The following ATXN10 variants were observed in gnomAD, a reference collection of about 807,000 sequenced individuals.
ATXN10 encodes the protein ataxin-10.
In ATXN10, 28 loss-of-function variants were observed where a neutral mutation model predicts 52.9. The observed-to-expected ratio is 0.53, with a 90% confidence interval of 0.39 to 0.73. The LOEUF (loss-of-function observed/expected upper bound fraction) is 0.73. Among genes scored for constraint, ATXN10 ranks in the 30% least tolerant of loss-of-function variants. The probability of loss-of-function intolerance (pLI) is 0.00; values close to 1 mark genes in which losing one functional copy is unlikely to be tolerated. For synonymous variants in ATXN10, 226 were observed against 221.5 expected (o/e 1.02, Z -0.18); for missense variants, 565 against 577.0 (o/e 0.98, Z 0.21).
chr22:45,777,994 G>A (rs970049438), intron 9 of ATXN10, among the ~76,000 whole-genome samples: 7 of 152,152 alleles, frequency 4.6e-5, no homozygotes, highest in Non-Finnish European at 4.4e-5. Context: ...GTTTTATTGG[G>A]ACATAGTTGT....
At chr22:45,737,352 T>G (rs1925335900) in intron 7 of ATXN10, among the ~76,000 whole-genome samples, 1 of 152,232 alleles carries the variant, frequency 6.6e-6, no homozygotes, top group South Asian at 2.1e-4. Flanking sequence ...GGAGCAGTGG[T>G]ATCTCACGAT....
intron 9 of ATXN10, among the ~76,000 whole-genome samples, chr22:45,767,831 G>A (rs1380796022): frequency 4.6e-5 from 7 of 152,142 alleles, no homozygotes; most frequent in Admixed American, 4.6e-4. Context: ...GAACAGAAGA[G>A]CCACAGAGAA....
Position 45,718,515 on chromosome 22 carries a change from T to C in ATXN10, c.728+22T>C, listed in dbSNP as rs776022966. On this transcript the variant is annotated intron_variant, in intron 6 of 11. Coordinates refer to ENST00000252934, the MANE Select transcript of ATXN10 (RefSeq NM_013236.4). The surrounding 1 kb of genome is among the most constrained non-coding windows in gnomAD (Gnocchi z 4.4). ...AAAGGTAACCCCCCAACCAGCGTGG[T>C]CTGGAGTATTTAGCATTCCATATAG... 6.2e-7 allele frequency: 1 copy of C among 1,601,638 alleles called. No homozygotes were observed. Among genetic ancestry groups the C allele is most frequent in the Non-Finnish European group, 8.6e-7 (1 of 1,168,798 alleles).
intron 9 of ATXN10, among the ~76,000 whole-genome samples, chr22:45,800,719 A>G (rs1411804255): frequency 6.6e-6 from 1 of 152,274 alleles, no homozygotes; most frequent in Non-Finnish European, 1.5e-5. Flanking sequence ...GTGGATAAAT[A>G]AATGGTAGTA....
chr22:45,730,633 C>T (rs974807078), intron 7 of ATXN10, among the ~76,000 whole-genome samples: 6 of 152,134 alleles, frequency 3.9e-5, no homozygotes, highest in African/African-American at 1.2e-4. Flanking sequence ...GACGGGGTTT[C>T]GGCATATTGG....
chr22:45,797,077 C>G (rs1454595184), intron 9 of ATXN10, among the ~76,000 whole-genome samples: 1 of 152,152 alleles, frequency 6.6e-6, no homozygotes, highest in African/African-American at 2.4e-5. Context: ...TTTCAAATAA[C>G]TGAAACCAAA....
rs1288429184 is a variant in ATXN10 at position 45,683,183 on chromosome 22, G to A, written c.117-6529G>A. Among the ~76,000 whole-genome samples, 1 of 152,194 alleles carries A rather than the reference G, an allele frequency of 6.6e-6. No individual in the cohort carries two copies. The highest frequency in any genetic ancestry group is 6.5e-5 in the Admixed American group (1 of 15,282). On this transcript the variant is annotated intron_variant, in intron 1 of 11. Transcript: ENST00000252934. This position sits in a 1 kb window ranked among gnomAD's most constrained non-coding sequence, Gnocchi z 4.8. Reference sequence around the variant, plus strand: ...AAAATACAAAAATTTGTTGGGCATGGTGGCACATGCCTGAAATTCTACCTA... The same window carrying A: ...AAAATACAAAAATTTGTTGGGCATGATGGCACATGCCTGAAATTCTACCTA...
chr22:45,834,497 G>C (rs1034650563), intron 10 of ATXN10, among the ~76,000 whole-genome samples: 2 of 152,180 alleles, frequency 1.3e-5, no homozygotes, highest in African/African-American at 4.8e-5. Flanking sequence ...TACTTTAGAA[G>C]TTTATTGTCC....
chr22:45,692,764 A>C (rs1272181539), intron 2 of ATXN10, among the ~76,000 whole-genome samples: 1 of 152,204 alleles, frequency 6.6e-6, no homozygotes, highest in East Asian at 1.9e-4. Flanking sequence ...GAGTCATGGG[A>C]AACTTCAGGA....
chr22:45,686,039 A>C (rs1923122221), intron 1 of ATXN10, among the ~76,000 whole-genome samples: 1 of 152,226 alleles, frequency 6.6e-6, no homozygotes, highest in Admixed American at 6.5e-5. Flanking sequence ...CACATCTTAA[A>C]ATCTGACACG....
At chr22:45,751,346 A>C (rs1421961434) in intron 9 of ATXN10, among the ~76,000 whole-genome samples, 2 of 152,194 alleles carry the variant, frequency 1.3e-5, no homozygotes, top group Non-Finnish European at 2.9e-5. Context: ...TTAAAAGTAA[A>C]ACGTTAGCAT....
chr22:45,817,624 C>T (rs1928509082), intron 10 of ATXN10, among the ~76,000 whole-genome samples: 1 of 151,976 alleles, frequency 6.6e-6, no homozygotes, highest in African/African-American at 2.4e-5. Flanking sequence ...CCTGCCCAGC[C>T]TTAATTTTTT....
Position 45,688,153 on chromosome 22 carries a change from G to A in ATXN10, c.117-1559G>A, listed in dbSNP as rs915570744. On this transcript the variant is annotated intron_variant, in intron 1 of 11. Transcript: ENST00000252934. This position sits in a 1 kb window ranked among gnomAD's most constrained non-coding sequence, Gnocchi z 4.0. ...GTACTTGTTTCATACAGTTTATTGA[G>A]GCAAGATTAGTGCTGTACCCTTGAA... is the stretch of plus-strand genomic sequence containing the variant. Among the ~76,000 whole-genome samples the A allele has an allele frequency of 5.9e-5, 9 of 152,170 alleles. No individual in the cohort carries two copies. The highest frequency in any genetic ancestry group is 2.2e-4 in the African/African-American group (9 of 41,434).
At chr22:45,836,353 C>G (rs559191398) in intron 10 of ATXN10, among the ~76,000 whole-genome samples, 1 of 152,346 alleles carries the variant, frequency 6.6e-6, no homozygotes, top group Admixed American at 6.5e-5. Context: ...TGACCCCTTG[C>G]AAAAGTAAGG....
Position 45,770,643 on chromosome 22 carries a change from G to A in ATXN10, c.1173+30105G>A, listed in dbSNP as rs1024988852. ...GAGAGCCACGTCCACATATGCGAGA[G>A]CCACTGATGGTTCTCGGCCTGTCTG... On this transcript the variant is annotated intron_variant, in intron 9 of 11. Transcript: ENST00000252934. This position sits in a 1 kb window ranked among gnomAD's most constrained non-coding sequence, Gnocchi z 4.5. 7.9e-5 allele frequency among the ~76,000 whole-genome samples: 12 copies of A among 152,202 alleles called. No homozygotes were observed. Among genetic ancestry groups the A allele is most frequent in the Non-Finnish European group, 1.6e-4 (11 of 68,030 alleles).
rs1324007315 is a variant in ATXN10, at chr22:45,805,523, G to A, written c.1174-1436G>A. 3.3e-5 allele frequency among the ~76,000 whole-genome samples: 5 copies of A among 152,168 alleles called. No homozygotes were observed. The highest frequency in any genetic ancestry group is 3.8e-4 in the East Asian group (2 of 5,196). On this transcript the variant is annotated intron_variant, in intron 9 of 11. Coordinates refer to ENST00000252934, the MANE Select transcript of ATXN10 (RefSeq NM_013236.4). The surrounding 1 kb of genome is among the most constrained non-coding windows in gnomAD (Gnocchi z 4.4). ...AATGCACTGTTCACGTTACTCAGCCGTGAAAAGAAATGAAGCGCTGACATG... is the reference window on the plus strand; with the variant it reads ...AATGCACTGTTCACGTTACTCAGCCATGAAAAGAAATGAAGCGCTGACATG...
intron 5 of ATXN10, among the ~76,000 whole-genome samples, chr22:45,706,003 C>T (rs913207627): frequency 3.3e-5 from 5 of 152,250 alleles, no homozygotes; most frequent in South Asian, 2.1e-4. Flanking sequence ...TTGTGAACTG[C>T]GCATGCGAGG....
At chr22:45,773,262 A>C (rs1926836392) in intron 9 of ATXN10, among the ~76,000 whole-genome samples, 2 of 152,250 alleles carry the variant, frequency 1.3e-5, no homozygotes, top group South Asian at 4.2e-4. Context: ...CTCTACATAA[A>C]CAATCATATC....
At chr22:45,682,477 T>C (rs928722803) in intron 1 of ATXN10, among the ~76,000 whole-genome samples, 5 of 151,118 alleles carry the variant, frequency 3.3e-5, no homozygotes, top group Middle Eastern at 3.5e-3. Flanking sequence ...CCGGCTATTT[T>C]TTAAATTTTT....
Sources: gnomAD v4.1 joint callset for allele counts (sites outside exome capture counted in the v4.1 genomes callset) on GRCh38, gnomAD v4.1.1 for gene constraint, Gnocchi (gnomAD v3.1) non-coding constraint, MANE v1.5 for transcripts, NCBI Gene and HGNC (gene_info 2026-07-23, HGNC 2026-07-21) for gene names.